PSD3: variants seen among roughly 807,000 people sequenced by gnomAD.
PSD3 encodes PH and SEC7 domain-containing protein 3.
In PSD3, 49 loss-of-function variants were observed where a neutral mutation model predicts 105.5. The observed-to-expected ratio is 0.46, with a 90% CI of 0.37 to 0.59. PSD3 has a LOEUF of 0.59. PSD3 is among the 20% of genes least tolerant of loss of function. The probability of loss-of-function intolerance (pLI) is 0.00; values close to 1 mark genes in which losing one functional copy is unlikely to be tolerated. For missense variants in PSD3, 1,561 were observed against 1,263.8 expected (o/e 1.24, Z -3.57); for synonymous variants, 557 against 457.8 (o/e 1.22, Z -2.77).
At chr8:18,988,689 A>G (rs1825635766) in intron 1 of PSD3, among the ~76,000 whole-genome samples, 1 of 152,038 alleles carries the variant, frequency 6.6e-6, no homozygotes, top group African/African-American at 2.4e-5. Flanking sequence ...ACACTATCAC[A>G]TGTTTAAAAA....
intron 11 of PSD3, among the ~76,000 whole-genome samples, chr8:18,614,348 C>G (rs566090203): frequency 3.3e-5 from 5 of 150,724 alleles, no homozygotes; most frequent in Admixed American, 6.6e-5. Context: ...CATCCCCCCC[C>G]CAAAAAAATC....
At chr8:18,656,507 A>C (rs1808906738) in intron 9 of PSD3, among the ~76,000 whole-genome samples, 1 of 152,008 alleles carries the variant, frequency 6.6e-6, no homozygotes. Flanking sequence ...TCCAGTTTTT[A>C]TTATAAATGT....
At chr8:18,984,594 TA>T (rs1825405065) in intron 1 of PSD3, among the ~76,000 whole-genome samples, 1 of 152,246 alleles carries the variant, frequency 6.6e-6, no homozygotes, top group African/African-American at 2.4e-5. Flanking sequence ...TTTCAGTTTT[TA>T]AAATGAGGCC....
intron 2 of PSD3, among the ~76,000 whole-genome samples, chr8:18,914,377 G>A (rs952021966): frequency 2.6e-5 from 4 of 151,960 alleles, no homozygotes; most frequent in African/African-American, 2.4e-5. Flanking sequence ...CAGTAATTAA[G>A]CAAGAAAAAG....
chr8:18,814,499 A>G (rs62498295), intron 4 of PSD3, among the ~76,000 whole-genome samples: 1 of 151,960 alleles, frequency 6.6e-6, no homozygotes, highest in African/African-American at 2.4e-5. Flanking sequence ...TTATTTACTT[A>G]TTTATTTATT....
chr8:18,578,724 C>T (rs961438317), intron 12 of PSD3, among the ~76,000 whole-genome samples: 3 of 135,552 alleles, frequency 2.2e-5, no homozygotes, highest in Admixed American at 7.7e-5. Flanking sequence ...TTATGCTACT[C>T]TTAAAAATGC....
In PSD3 at chr8:18,821,627, T is replaced by C. The variant is rs1016824067; in HGVS notation, c.1635-16729A>G. Among the ~76,000 whole-genome samples the C allele has an allele frequency of 2.0e-5, 3 of 151,218 alleles. No individual in the cohort carries two copies. The East Asian group carries it at 5.9e-4, about 30-fold the overall frequency. On this transcript the variant is annotated intron_variant, in intron 4 of 15. Transcript: ENST00000327040. The stretch of plus-strand genomic sequence containing the variant: ...ACAATATTCCAGCTAATTCAAACAC[T>C]GCTGCAGATAATATTAAATAGCAAT...
At position 18,867,796 on chromosome 8, in the gene PSD3, GA is replaced by G; in HGVS notation, c.1511del (p.Ile504ThrfsTer2). 6.2e-7 allele frequency: 1 copy of G among 1,614,128 alleles called. No individual in the cohort carries two copies. Among genetic ancestry groups the G allele is most frequent in the Non-Finnish European group, 8.5e-7 (1 of 1,180,028 alleles). ...ERTSGGGHQDILSVSADGGIV... is the reference protein window; with the variant it reads ...ERTSGGGHQDXLSVSADGGIV... ...TGCCACCATCTGCAGACACACTCAG[GA>G]TATCCTGATGTCCTCCCCCTGATGT... On this transcript the variant is annotated frameshift_variant, in exon 4 of 16. Coordinates refer to ENST00000327040, the MANE Select transcript of PSD3 (RefSeq NM_015310.4). LOFTEE classifies it high-confidence loss of function.
intron 11 of PSD3, among the ~76,000 whole-genome samples, chr8:18,603,463 G>A (rs186624469): frequency 2.6e-4 from 39 of 152,154 alleles, no homozygotes; most frequent in Middle Eastern, 6.8e-3. Flanking sequence ...AGTGAGGAGG[G>A]TCTTTTGGTG....
At chr8:18,863,266 G>A (rs987563461) in intron 4 of PSD3, among the ~76,000 whole-genome samples, 1 of 152,154 alleles carries the variant, frequency 6.6e-6, no homozygotes, top group Non-Finnish European at 1.5e-5. Context: ...TTGAAGTTGT[G>A]GTCATCTGCT....
At chr8:18,788,998 A>C (rs1231607823) in intron 8 of PSD3, among the ~76,000 whole-genome samples, 1 of 152,146 alleles carries the variant, frequency 6.6e-6, no homozygotes, top group African/African-American at 2.4e-5. Context: ...TCTCTCACAA[A>C]CCCTAATCAC....
chr8:18,860,522 C>T (rs1816360297), intron 4 of PSD3, among the ~76,000 whole-genome samples: 1 of 151,754 alleles, frequency 6.6e-6, no homozygotes, highest in South Asian at 2.1e-4. Context: ...TGAGGTTTGC[C>T]TGTAGCTCTG....
intron 1 of PSD3, among the ~76,000 whole-genome samples, chr8:19,012,393 G>T (rs1011421210): frequency 6.6e-6 from 1 of 152,190 alleles, no homozygotes; most frequent in Non-Finnish European, 1.5e-5. Context: ...CTCTTGGTTT[G>T]TAAATACTCT....
chr8:18,804,408 T>G lies in PSD3; in HGVS notation c.1910+114A>C, dbSNP rs1315783710. ...CATTTTGGAGAAGGAATACTCCACC[T>G]ATACATGGAGGTTTAAAAAAAAAAA... On this transcript the variant is annotated intron_variant, in intron 6 of 15. Transcript: ENST00000327040. 3 of 850,892 alleles carry G rather than the reference T, an allele frequency of 3.5e-6. No homozygotes were observed. The African/African-American group carries it at 6.8e-5, about 19-fold the overall frequency. The allele number at this position is 850,892 out of a possible 1,614,324, so 52.7% of individuals were successfully genotyped here.
chr8:18,780,711 G>T (rs1481552993), intron 8 of PSD3, among the ~76,000 whole-genome samples: 1 of 152,022 alleles, frequency 6.6e-6, no homozygotes, highest in Non-Finnish European at 1.5e-5. Context: ...CTGCCACCAA[G>T]CCTGGCTAAT....
chr8:19,015,178 C>T (rs963549482), upstream of PSD3, among the ~76,000 whole-genome samples: 1 of 152,104 alleles, frequency 6.6e-6, no homozygotes, highest in African/African-American at 2.4e-5. Flanking sequence ...ATGAGTCTCA[C>T]GAGATCTGAA....
chr8:18,668,576 G>T (rs943439690), intron 9 of PSD3, among the ~76,000 whole-genome samples: 1 of 152,196 alleles, frequency 6.6e-6, no homozygotes, highest in Non-Finnish European at 1.5e-5. Context: ...GGCTGCCAAG[G>T]TCATACAGCA....
At chr8:18,914,802 T>C (rs1270320897) in intron 2 of PSD3, among the ~76,000 whole-genome samples, 1 of 152,198 alleles carries the variant, frequency 6.6e-6, no homozygotes, top group African/African-American at 2.4e-5. Flanking sequence ...ACAGATCCAA[T>C]GTAACACTTA....
intron 11 of PSD3, among the ~76,000 whole-genome samples, chr8:18,608,901 A>G (rs1256539695): frequency 6.6e-6 from 1 of 152,098 alleles, no homozygotes; most frequent in Non-Finnish European, 1.5e-5. Flanking sequence ...CCAATTTTCT[A>G]TTTCATTCAA....
Sources: gnomAD v4.1 joint callset for allele counts (sites outside exome capture counted in the v4.1 genomes callset) on GRCh38, gnomAD v4.1.1 for gene constraint, MANE v1.5 for transcripts, NCBI Gene and HGNC (gene_info 2026-07-23, HGNC 2026-07-21) for gene names.